The following CNTN1 variants were observed in gnomAD, a reference collection of about 807,000 sequenced individuals.
The protein encoded by CNTN1 is contactin-1.
In CNTN1, 38 loss-of-function variants were observed where a neutral mutation model predicts 126.4. The ratio of observed to expected loss-of-function variants is 0.30; its 90% CI spans 0.23 to 0.39. The LOEUF (loss-of-function observed/expected upper bound fraction) is 0.39, where lower values mean the gene tolerates loss of function less well. Among genes scored for constraint, CNTN1 ranks in the 10% least tolerant of loss-of-function variants. The probability of loss-of-function intolerance (pLI) is 1.00; values close to 1 mark genes in which losing one functional copy is unlikely to be tolerated. For synonymous variants in CNTN1, 413 were observed against 422.6 expected, an observed-to-expected ratio of 0.98 and a Z score of 0.28; for missense variants, 1,009 against 1,248.4, an observed-to-expected ratio of 0.81 and a Z score of 2.89.
intron 20 of CNTN1, among the ~76,000 whole-genome samples, chr12:41,022,409 G>T (rs1948938216): frequency 6.6e-6 from 1 of 152,122 alleles, no homozygotes; most frequent in Non-Finnish European, 1.5e-5. Context: ...GCAAACATGG[G>T]TTTATATTTC....
intron 1 of CNTN1, among the ~76,000 whole-genome samples, chr12:40,907,887 A>T (rs1303032615): frequency 6.6e-6 from 1 of 152,230 alleles, no homozygotes; most frequent in African/African-American, 2.4e-5. Flanking sequence ...CCCTTGTGTA[A>T]TGTCTGTGAG....
intron 1 of CNTN1, among the ~76,000 whole-genome samples, chr12:40,852,684 C>T (rs1257374826): frequency 6.6e-6 from 1 of 152,020 alleles, no homozygotes; most frequent in Non-Finnish European, 1.5e-5. Flanking sequence ...TATTTGCGTT[C>T]CATCACTATG....
intron 3 of CNTN1, among the ~76,000 whole-genome samples, chr12:40,914,247 C>T (rs1183989460): frequency 2.6e-5 from 4 of 152,076 alleles, no homozygotes; most frequent in African/African-American, 9.7e-5. Context: ...ATTACTGGAT[C>T]CTTTGCTGAG....
intron 1 of CNTN1, among the ~76,000 whole-genome samples, chr12:40,843,690 A>C (rs1262738399): frequency 6.6e-6 from 1 of 152,232 alleles, no homozygotes; most frequent in Non-Finnish European, 1.5e-5. Flanking sequence ...TAAAGGGCAA[A>C]TTATATAATA....
intron 12 of CNTN1, among the ~76,000 whole-genome samples, chr12:40,939,886 A>G (rs997743810): frequency 6.6e-6 from 1 of 152,144 alleles, no homozygotes; most frequent in Non-Finnish European, 1.5e-5. Context: ...AGCCTATTAA[A>G]TATTTTTGTA....
At chr12:40,725,672 A>C (rs1942333563) in intron 1 of CNTN1, among the ~76,000 whole-genome samples, 1 of 152,158 alleles carries the variant, frequency 6.6e-6, no homozygotes, top group Admixed American at 6.5e-5. Flanking sequence ...TAGCAAACAC[A>C]GTTGACCTAA....
At chr12:40,848,660 T>A (rs1470583532) in intron 1 of CNTN1, among the ~76,000 whole-genome samples, 1 of 152,156 alleles carries the variant, frequency 6.6e-6, no homozygotes, top group Non-Finnish European at 1.5e-5. Flanking sequence ...CTCTTTTGAT[T>A]TTTTTTCAAG....
intron 1 of CNTN1, among the ~76,000 whole-genome samples, chr12:40,704,048 G>A (rs945116099): frequency 6.6e-6 from 1 of 151,890 alleles, no homozygotes; most frequent in Non-Finnish European, 1.5e-5. Context: ...ATAACAAAAA[G>A]AAATAAAGAA....
intron 1 of CNTN1, among the ~76,000 whole-genome samples, chr12:40,818,750 C>G (rs992397317): frequency 6.6e-6 from 1 of 152,124 alleles, no homozygotes; most frequent in East Asian, 1.9e-4. Context: ...AGAGGAGGCA[C>G]TCTGGCCTTT....
intron 23 of CNTN1, among the ~76,000 whole-genome samples, chr12:41,061,571 C>T (rs1949939655): frequency 6.6e-6 from 1 of 152,128 alleles, no homozygotes; most frequent in Non-Finnish European, 1.5e-5. Flanking sequence ...TGATCAAGCA[C>T]TTAATGTATA....
chr12:40,910,114 A>G lies in CNTN1; in HGVS notation c.94+9A>G, dbSNP rs765564649. The stretch of plus-strand genomic sequence containing the variant: ...AAGATATGGTCATGGAGGTAAGTTG[A>G]CCAAAGAGTAGACCTTGTAAACATC... On this transcript the variant is annotated intron_variant, in intron 3 of 23. Coordinates refer to ENST00000551295, the MANE Select transcript of CNTN1 (RefSeq NM_001843.4). 16 of 1,596,710 alleles carry G rather than the reference A, an allele frequency of 1.0e-5. No homozygotes were observed. The highest frequency in any genetic ancestry group is 1.4e-5 in the Non-Finnish European group (16 of 1,165,112).
chr12:41,025,622 T>G (rs1291955313), intron 21 of CNTN1, among the ~76,000 whole-genome samples: 1 of 152,220 alleles, frequency 6.6e-6, no homozygotes, highest in Non-Finnish European at 1.5e-5. Context: ...GTCTTTACCC[T>G]GTACTTATTA....
intron 23 of CNTN1, among the ~76,000 whole-genome samples, chr12:41,069,275 G>T (rs1401218704): frequency 1.3e-5 from 2 of 152,132 alleles, no homozygotes; most frequent in East Asian, 1.9e-4. Context: ...AATTGAATGA[G>T]ATTATTTAAT....
At chr12:40,751,779 C>G (rs1201890942) in intron 1 of CNTN1, among the ~76,000 whole-genome samples, 1 of 152,110 alleles carries the variant, frequency 6.6e-6, no homozygotes, top group Non-Finnish European at 1.5e-5. Flanking sequence ...AGCTTCTTCT[C>G]TGCTAAGTAG....
chr12:40,993,072 GA>G (rs775953574), intron 16 of CNTN1, 47 bp from the exon 17 acceptor site: 1 of 1,532,578 alleles, frequency 6.5e-7, no homozygotes, highest in African/African-American at 1.4e-5. Context: ...TTATAAAAGT[GA>G]TAAGTTAATC....
chr12:40,900,945 G>A (rs1944580312), intron 1 of CNTN1, among the ~76,000 whole-genome samples: 2 of 152,208 alleles, frequency 1.3e-5, no homozygotes, highest in African/African-American at 4.8e-5. Context: ...TGATTTACAT[G>A]AAGAATCTGT....
Position 40,995,676 on chromosome 12 carries a change from G to C in CNTN1, c.2113+2407G>C, listed in dbSNP as rs1379800272. On this transcript the variant is annotated intron_variant, in intron 17 of 23. Coordinates refer to ENST00000551295, the MANE Select transcript of CNTN1 (RefSeq NM_001843.4). ...CAAGCCATTAGAGCCAAGGCCAAAA[G>C]CAAACACACCTATTCACAGAGTAAG... is the stretch of plus-strand genomic sequence containing the variant. Among the ~76,000 whole-genome samples, 3 of 152,034 alleles carry C rather than the reference G, an allele frequency of 2.0e-5. No individual in the cohort carries two copies. The East Asian group carries it at 5.8e-4, about 29-fold the overall frequency.
At chr12:40,761,124 A>C (rs2136416522) in intron 1 of CNTN1, among the ~76,000 whole-genome samples, 1 of 152,280 alleles carries the variant, frequency 6.6e-6, no homozygotes, top group African/African-American at 2.4e-5. Context: ...CAACATGATA[A>C]AATCTCTAAG....
At chr12:41,055,110 G>A (rs576297839) in intron 23 of CNTN1, among the ~76,000 whole-genome samples, 7 of 152,112 alleles carry the variant, frequency 4.6e-5, no homozygotes, top group East Asian at 3.9e-4. Context: ...TGTCCTAGAC[G>A]ATGATAAAAT....
Sources: gnomAD v4.1 joint callset for allele counts (sites outside exome capture counted in the v4.1 genomes callset) on GRCh38, gnomAD v4.1.1 for gene constraint, MANE v1.5 for transcripts, NCBI Gene and HGNC (gene_info 2026-07-23, HGNC 2026-07-21) for gene names.